The following ZNF831 variants were observed in gnomAD, a reference collection of about 807,000 sequenced individuals.
The protein encoded by ZNF831 is chromosome 20 open reading frame 174.
In ZNF831, 59 loss-of-function variants were observed where a neutral mutation model predicts 95.8. The ratio of observed to expected loss-of-function variants is 0.62; its 90% confidence interval spans 0.50 to 0.77. ZNF831 has a LOEUF of 0.77. ZNF831 is among the 30% of genes least tolerant of loss of function. The pLI is 0.00. For synonymous variants in ZNF831, 961 were observed against 925.5 expected (o/e 1.04, Z -0.70); for missense variants, 2,205 against 2,164.0 (o/e 1.02, Z -0.38).
chr20:59,155,535 G>C (rs1980488364), intron 2 of ZNF831, among the ~76,000 whole-genome samples: 1 of 152,164 alleles, frequency 6.6e-6, no homozygotes, highest in Non-Finnish European at 1.5e-5. Flanking sequence ...TTAGAATGAG[G>C]GGGTAGCAAA....
Position 59,254,086 on chromosome 20 carries a change from A to G in ZNF831, c.4377A>G (p.Thr1459=), listed in dbSNP as rs1988050391. The stretch of plus-strand genomic sequence containing the variant: ...TGGCCTCCCAGGATTCAGTCTCAAC[A>G]GATCCCAAACCATACATCTTCTCAG... ...QLLASQDSVS[T]DPKPYIFSDA... The change falls in exon 6 of 6, where the codon ACA becomes ACG. Residue 1459 remains threonine, a synonymous_variant. Coordinates refer to ENST00000371030, the MANE Select transcript of ZNF831 (RefSeq NM_178457.3). This position sits in a 1 kb window ranked among gnomAD's most constrained non-coding sequence, Gnocchi z 4.5. 6.2e-7 allele frequency: 1 copy of G among 1,614,204 alleles called. No individual in the cohort carries two copies. Among genetic ancestry groups the G allele is most frequent in the South Asian group, 1.1e-5 (1 of 91,084 alleles).
chr20:59,137,674 C>T (rs1490047330), intron 1 of ZNF831, among the ~76,000 whole-genome samples: 2 of 152,172 alleles, frequency 1.3e-5, no homozygotes, highest in Non-Finnish European at 2.9e-5. Context: ...ATGAACATGG[C>T]CACATCCTGG....
At chr20:59,202,282 T>A (rs1601391123) in intron 3 of ZNF831, among the ~76,000 whole-genome samples, 1 of 151,902 alleles carries the variant, frequency 6.6e-6, no homozygotes, top group African/African-American at 2.4e-5. Context: ...TTAATTTGCT[T>A]GATCATTTTA....
At chr20:59,134,482 T>C (rs1317962723) in intron 1 of ZNF831, among the ~76,000 whole-genome samples, 2 of 152,216 alleles carry the variant, frequency 1.3e-5, no homozygotes, top group Non-Finnish European at 2.9e-5. Context: ...CGCTTTTCTC[T>C]CTTGACCTTT....
intron 1 of ZNF831, among the ~76,000 whole-genome samples, chr20:59,131,487 G>A (rs1568720794): frequency 1.3e-5 from 2 of 152,172 alleles, no homozygotes; most frequent in African/African-American, 4.8e-5. Context: ...CTTACTTACT[G>A]ATACATGCCA....
chr20:59,174,261 G>C (rs945505191), intron 1 of ZNF831, among the ~76,000 whole-genome samples: 1 of 152,202 alleles, frequency 6.6e-6, no homozygotes, highest in African/African-American at 2.4e-5. Context: ...GAAGGCTGCA[G>C]ATGGATTATC....
At chr20:59,212,855 C>A (rs1388069434) in intron 4 of ZNF831, among the ~76,000 whole-genome samples, 1 of 152,202 alleles carries the variant, frequency 6.6e-6, no homozygotes, top group East Asian at 1.9e-4. Flanking sequence ...TCCATCCATG[C>A]CCTTCAGATT....
intron 4 of ZNF831, among the ~76,000 whole-genome samples, chr20:59,216,946 TA>T (rs11309699): frequency 0.1 from 15,276 of 145,870 alleles, 2,001 homozygotes; most frequent in African/African-American, 0.31. Context: ...CTTTTGTTCT[TA>T]AAAAAAAAAA....
At chr20:59,180,501 C>T (rs1040859982) in intron 1 of ZNF831, among the ~76,000 whole-genome samples, 4 of 152,232 alleles carry the variant, frequency 2.6e-5, no homozygotes, top group Admixed American at 2.6e-4. Context: ...GATATTTGTC[C>T]TAATGGTCTC....
intron 4 of ZNF831, among the ~76,000 whole-genome samples, chr20:59,241,381 G>C (rs1455998844): frequency 6.6e-6 from 1 of 151,612 alleles, no homozygotes; most frequent in Non-Finnish European, 1.5e-5. Context: ...TGCCACTTGA[G>C]CTGCATTGCT....
At chr20:59,224,957 ATT>A (rs78688579) in intron 4 of ZNF831, among the ~76,000 whole-genome samples, 4,684 of 148,312 alleles carry the variant, frequency 0.032, 119 homozygotes, top group African/African-American at 0.077. Context: ...AAATTTTGTG[ATT>A]TTTTTTTTTC....
chr20:59,170,924 G>A (rs113386030), intron 1 of ZNF831, among the ~76,000 whole-genome samples: 9 of 152,334 alleles, frequency 5.9e-5, no homozygotes, highest in African/African-American at 1.9e-4. Flanking sequence ...AACCAGAGAC[G>A]TGGGTGTGTT....
Position 59,253,891 on chromosome 20 carries a change from G to C in ZNF831, c.4189-7G>C, listed in dbSNP as rs374010634. 1 of 1,082,160 alleles carries C rather than the reference G, an allele frequency of 9.2e-7. No individual in the cohort carries two copies. The highest frequency in any genetic ancestry group is 2.4e-5 in the South Asian group (1 of 41,272). The allele number at this position is 1,082,160 out of a possible 1,614,324, so 67.0% of individuals were successfully genotyped here. A position where few individuals can be genotyped will look rare whatever the true frequency, so the allele number is the denominator to read the frequency against. ...CCACTTTTTTTTTCCTTTGCACTTT[G>C]TTGCAGGATATTTCTCCATCTGCTG... On this transcript the variant is annotated splice_polypyrimidine_tract_variant and splice_region_variant and intron_variant, in intron 5 of 5. Transcript: ENST00000371030.
At chr20:59,244,307 C>A (rs1388515400) in intron 4 of ZNF831, among the ~76,000 whole-genome samples, 1 of 152,172 alleles carries the variant, frequency 6.6e-6, no homozygotes, top group Non-Finnish European at 1.5e-5. Context: ...TCATGAATCT[C>A]TCAGTTTTTC....
chr20:59,149,703 A>G (rs1330881428), intron 2 of ZNF831, among the ~76,000 whole-genome samples: 2 of 152,208 alleles, frequency 1.3e-5, no homozygotes, highest in Non-Finnish European at 2.9e-5. Flanking sequence ...GGCCCCCAAC[A>G]CATGTTTCAT....
At chr20:59,163,421 A>G (rs1286035607), upstream of ZNF831, among the ~76,000 whole-genome samples, 1 of 152,208 alleles carries the variant, frequency 6.6e-6, no homozygotes, top group Non-Finnish European at 1.5e-5. Context: ...TTACATAAAG[A>G]CAGCATCGCA....
At chr20:59,241,981 C>T (rs917449307) in intron 4 of ZNF831, among the ~76,000 whole-genome samples, 9 of 152,168 alleles carry the variant, frequency 5.9e-5, no homozygotes, top group African/African-American at 1.9e-4. Flanking sequence ...GTTTTCTTGT[C>T]GAATTAAGTT....
chr20:59,142,214 A>G lies in ZNF831; in HGVS notation c.-1424-4017A>G, dbSNP rs111870062. 3.9e-4 allele frequency among the ~76,000 whole-genome samples: 60 copies of G among 152,330 alleles called. 1 individual carries two copies. Among genetic ancestry groups the G allele is most frequent in the African/African-American group, 1.4e-3 (59 of 41,580 alleles). On this transcript the variant is annotated intron_variant, in intron 1 of 7. Coordinates refer to the ZNF831 transcript ENST00000637017. The stretch of plus-strand genomic sequence containing the variant: ...TGGCAGGGGGAATAGGGTGGAAGCT[A>G]TGAAGGAGCAGAGCCATGAAGGAGT...
intron 1 of ZNF831, among the ~76,000 whole-genome samples, chr20:59,185,716 C>T (rs1982972244): frequency 6.6e-6 from 1 of 152,194 alleles, no homozygotes; most frequent in Non-Finnish European, 1.5e-5. Context: ...TCTTTCCAGA[C>T]TGCCCTGGGG....
Sources: gnomAD v4.1 joint callset for allele counts (sites outside exome capture counted in the v4.1 genomes callset) on GRCh38, gnomAD v4.1.1 for gene constraint, Gnocchi (gnomAD v3.1) non-coding constraint, MANE v1.5 for transcripts, NCBI Gene and HGNC (gene_info 2026-07-23, HGNC 2026-07-21) for gene names.